The following BRINP3 variants were observed in gnomAD, a reference collection of about 807,000 sequenced individuals.
BRINP3 encodes the protein BMP/retinoic acid inducible neural specific 3, also known as BMP/retinoic acid-inducible neural-specific protein 3.
Under a neutral mutation model 71.0 loss-of-function variants are expected in BRINP3, and 19 were observed. That is an observed-to-expected ratio of 0.27 (90% confidence interval 0.19 to 0.39). The LOEUF (loss-of-function observed/expected upper bound fraction) is 0.39, where lower values mean the gene tolerates loss of function less well. Ranked by LOEUF, BRINP3 falls within the 10% of genes least tolerant of loss-of-function variation. BRINP3 has a pLI of 1.00. For synonymous variants in BRINP3, 380 were observed against 337.7 expected (o/e 1.13, Z -1.37); for missense variants, 959 against 940.8 (o/e 1.02, Z -0.25).
intron 2 of BRINP3, among the ~76,000 whole-genome samples, chr1:190,374,305 ACTAT>A (rs1031609145): frequency 1.3e-5 from 2 of 152,086 alleles, no homozygotes; most frequent in African/African-American, 4.8e-5. Flanking sequence ...TGTCTCTCTG[ACTAT>A]CTGTCTATCT....
At chr1:190,126,728 A>G (rs1005278303) in intron 7 of BRINP3, among the ~76,000 whole-genome samples, 2 of 151,904 alleles carry the variant, frequency 1.3e-5, no homozygotes, top group Admixed American at 1.3e-4. Flanking sequence ...CCAGTCAATC[A>G]TTATCATGTT....
intron 7 of BRINP3, among the ~76,000 whole-genome samples, chr1:190,133,238 C>T (rs1654689140): frequency 6.6e-6 from 1 of 152,076 alleles, no homozygotes; most frequent in Admixed American, 6.6e-5. Context: ...GAACTTGTAA[C>T]ACTGCATCTA....
At chr1:190,133,196 G>T (rs1029154129) in intron 7 of BRINP3, among the ~76,000 whole-genome samples, 2 of 152,058 alleles carry the variant, frequency 1.3e-5, no homozygotes, top group Non-Finnish European at 1.5e-5. Context: ...GCATTTTATA[G>T]ATTATAGTAA....
chr1:190,412,882 A>G (rs143659363), intron 2 of BRINP3, among the ~76,000 whole-genome samples: 1,761 of 152,264 alleles, frequency 0.012, 13 homozygotes, highest in Non-Finnish European at 0.017. Flanking sequence ...TTTAAAAAAT[A>G]AAAGTAATTT....
chr1:190,381,080 T>C (rs1670517887), intron 2 of BRINP3, among the ~76,000 whole-genome samples: 1 of 152,034 alleles, frequency 6.6e-6, no homozygotes, highest in African/African-American at 2.4e-5. Context: ...AGTGCTGAAG[T>C]CTAAACTCCT....
In BRINP3 at chr1:190,285,617, T is replaced by C. The variant is rs527938622; in HGVS notation, c.237-3867A>G. Among the ~76,000 whole-genome samples, 7 of 152,124 alleles carry C rather than the reference T, an allele frequency of 4.6e-5. No homozygotes were observed. The South Asian group carries it at 1.5e-3, about 32-fold the overall frequency. ...ATTTGCTTATTTTCTAGTAGTATAA[T>C]CTAGTATATCATTATTGATGTAAAG... On this transcript the variant is annotated intron_variant, in intron 2 of 7. Transcript: ENST00000367462.
chr1:190,309,862 CATTTAAATCTCAAA>C (rs1665393271), intron 2 of BRINP3, among the ~76,000 whole-genome samples: 1 of 151,600 alleles, frequency 6.6e-6, no homozygotes, highest in Non-Finnish European at 1.5e-5. Context: ...ATAAAAATAA[CATTTAAATCTCAAA>C]GATTCAGAAT....
intron 6 of BRINP3, among the ~76,000 whole-genome samples, chr1:190,211,469 C>T (rs898429187): frequency 3.9e-5 from 6 of 152,074 alleles, no homozygotes; most frequent in Admixed American, 6.6e-5. Context: ...TAAATCAAAT[C>T]GAATGTATAG....
Position 190,299,523 on chromosome 1 carries a change from G to T in BRINP3, c.237-17773C>A, listed in dbSNP as rs551156470. ...ATGTATCCATGTGCCATGCTGGTGCGCTGCACCCACTAACTCGTCATCTAG... is the reference window on the plus strand; with the variant it reads ...ATGTATCCATGTGCCATGCTGGTGCTCTGCACCCACTAACTCGTCATCTAG... On this transcript the variant is annotated intron_variant, in intron 2 of 7. Coordinates refer to ENST00000367462, the MANE Select transcript of BRINP3 (RefSeq NM_199051.3). Among the ~76,000 whole-genome samples the T allele has an allele frequency of 1.1e-4, 17 of 151,192 alleles. No individual in the cohort carries two copies. In the South Asian group the frequency reaches 3.6e-3, roughly 32 times the overall value.
At chr1:190,236,870 T>C (rs997761059) in intron 4 of BRINP3, among the ~76,000 whole-genome samples, 4 of 151,910 alleles carry the variant, frequency 2.6e-5, no homozygotes, top group African/African-American at 9.7e-5. Flanking sequence ...CCAACACATA[T>C]CACATGAATA....
intron 7 of BRINP3, among the ~76,000 whole-genome samples, chr1:190,120,231 T>A (rs1653525128): frequency 6.6e-6 from 1 of 152,176 alleles, no homozygotes; most frequent in African/African-American, 2.4e-5. Context: ...TCAGCACTAA[T>A]TTTTCTCTGT....
At chr1:190,121,949 A>G (rs1653702098) in intron 7 of BRINP3, among the ~76,000 whole-genome samples, 1 of 152,230 alleles carries the variant, frequency 6.6e-6, no homozygotes, top group African/African-American at 2.4e-5. Flanking sequence ...TGAGGCTTGT[A>G]GAATGAATGT....
At chr1:190,200,100 T>G (rs1233546087) in intron 6 of BRINP3, among the ~76,000 whole-genome samples, 2 of 152,146 alleles carry the variant, frequency 1.3e-5, no homozygotes, top group Non-Finnish European at 2.9e-5. Flanking sequence ...ACACCAAGCT[T>G]TGTTTCCCTT....
intron 2 of BRINP3, among the ~76,000 whole-genome samples, chr1:190,452,901 C>T (rs946746103): frequency 6.6e-6 from 1 of 152,116 alleles, no homozygotes; most frequent in Non-Finnish European, 1.5e-5. Context: ...TTGCTACTCA[C>T]AGCTGATTGA....
At chr1:190,187,657 T>C (rs559605354) in intron 6 of BRINP3, among the ~76,000 whole-genome samples, 2 of 152,296 alleles carry the variant, frequency 1.3e-5, no homozygotes, top group South Asian at 2.1e-4. Flanking sequence ...TGTATGTTCC[T>C]GGCATCTTTG....
chr1:190,200,589 A>G (rs972828326), intron 6 of BRINP3, among the ~76,000 whole-genome samples: 3 of 152,034 alleles, frequency 2.0e-5, no homozygotes, highest in Non-Finnish European at 2.9e-5. Flanking sequence ...ATTTTGTTCA[A>G]TTAGTCATGT....
At chr1:190,397,264 G>A (rs761662645) in intron 2 of BRINP3, among the ~76,000 whole-genome samples, 10 of 151,944 alleles carry the variant, frequency 6.6e-5, no homozygotes, top group South Asian at 2.1e-4. Context: ...CCAGTTTCAT[G>A]TTCTACTATC....
intron 2 of BRINP3, among the ~76,000 whole-genome samples, chr1:190,442,931 G>C (rs1472650671): frequency 1.5e-5 from 2 of 133,906 alleles, no homozygotes; most frequent in African/African-American, 5.7e-5. Flanking sequence ...TTTTTTTGGC[G>C]ACGGAGTTTC....
At position 190,346,811 on chromosome 1, in the gene BRINP3, T is replaced by C. The variant is rs539005637; in HGVS notation, c.237-65061A>G. ...TTAGTTAACCAAAATATTTTGCATA[T>C]TCTTATATCACAGCATTTGTCACAG... On this transcript the variant is annotated intron_variant, in intron 2 of 7. Transcript: ENST00000367462. Among the ~76,000 whole-genome samples, 3 of 152,240 alleles carry C rather than the reference T, an allele frequency of 2.0e-5. No homozygotes were observed. In the East Asian group the frequency reaches 5.8e-4, roughly 29 times the overall value.
Sources: gnomAD v4.1 joint callset for allele counts (sites outside exome capture counted in the v4.1 genomes callset) on GRCh38, gnomAD v4.1.1 for gene constraint, MANE v1.5 for transcripts, NCBI Gene and HGNC (gene_info 2026-07-23, HGNC 2026-07-21) for gene names.